Variants in CDC20B observed in about 807,000 individuals in gnomAD.
CDC20B encodes cell division cycle protein 20 homolog B.
In CDC20B, 58 loss-of-function variants were observed where a neutral mutation model predicts 64.1. That is an observed-to-expected ratio of 0.90 (90% CI 0.73 to 1.13). The LOEUF is 1.13. Among genes scored for constraint, CDC20B ranks in the 50% most tolerant of loss-of-function variants. The probability of loss-of-function intolerance (pLI) is 0.00; values close to 1 mark genes in which losing one functional copy is unlikely to be tolerated. For synonymous variants in CDC20B, 243 were observed against 230.6 expected (o/e 1.05, Z -0.49); for missense variants, 597 against 633.0 (o/e 0.94, Z 0.61).
intron 2 of CDC20B, among the ~76,000 whole-genome samples, chr5:55,149,300 A>C (rs1743591836): frequency 6.6e-6 from 1 of 152,208 alleles, no homozygotes; most frequent in South Asian, 2.1e-4. Context: ...TCATTGTGGA[A>C]GATTAGTTTG....
At chr5:55,129,380 T>G (rs1408667115) in intron 6 of CDC20B, among the ~76,000 whole-genome samples, 1 of 152,180 alleles carries the variant, frequency 6.6e-6, no homozygotes, top group Non-Finnish European at 1.5e-5. Context: ...AGAAGCAAAC[T>G]GGCGGGGGGT....
intron 2 of CDC20B, among the ~76,000 whole-genome samples, chr5:55,155,466 A>G (rs960419038): frequency 3.9e-5 from 6 of 151,944 alleles, no homozygotes; most frequent in Non-Finnish European, 8.8e-5. Flanking sequence ...GCATACCCCA[A>G]CCCCGTTCCT....
intron 2 of CDC20B, chr5:55,165,597 C>T (rs542280126): frequency 6.6e-6 from 1 of 152,290 alleles, no homozygotes; most frequent in Admixed American, 6.5e-5. Flanking sequence ...AAAAATATTT[C>T]ATGAAGCATC....
intron 2 of CDC20B, among the ~76,000 whole-genome samples, chr5:55,170,957 A>C (rs879657116): frequency 9.2e-5 from 14 of 152,256 alleles, no homozygotes; most frequent in Non-Finnish European, 7.3e-5. Flanking sequence ...ACTTACATTT[A>C]GGTTTTCCAA....
Position 55,114,440 on chromosome 5 carries a change from C to G in CDC20B, c.1460-122G>C. 1 of 1,463,698 alleles carries G rather than the reference C, an allele frequency of 6.8e-7. No homozygotes were observed. Among genetic ancestry groups the G allele is most frequent in the Non-Finnish European group, 9.1e-7 (1 of 1,104,892 alleles). The allele number at this position is 1,463,698 out of a possible 1,614,324, so 90.7% of individuals were successfully genotyped here. The stretch of plus-strand genomic sequence containing the variant: ...CCAGGATAAAGGGCTTTCCCACACC[C>G]ACCAGGTTCAGAGCTGCCACCAACT... On this transcript the variant is annotated intron_variant, in intron 11 of 11. Coordinates refer to ENST00000381375, the MANE Select transcript of CDC20B (RefSeq NM_001170402.1). This position sits in a 1 kb window ranked among gnomAD's most constrained non-coding sequence, Gnocchi z 4.1.
At chr5:55,126,466 C>CAAAAAAAAAAAAAAACAAAAAAAAA (rs1742894089) in intron 8 of CDC20B, 1 of 95,330 alleles carries the variant, frequency 1.0e-5, no homozygotes, top group Non-Finnish European at 1.9e-5. Context: ...GATTCCATGT[C>CAAAAAAAAAAAAAAACAAAAAAAAA]AAAAAAAAAA....
intron 6 of CDC20B, among the ~76,000 whole-genome samples, chr5:55,131,668 T>C (rs1196940905): frequency 6.6e-6 from 1 of 152,190 alleles, no homozygotes; most frequent in East Asian, 1.9e-4. Context: ...ATGATGAGAC[T>C]TAAAACTTGA....
intron 2 of CDC20B, among the ~76,000 whole-genome samples, chr5:55,152,496 T>C (rs1743694513): frequency 6.6e-6 from 1 of 152,178 alleles, no homozygotes; most frequent in Non-Finnish European, 1.5e-5. Context: ...GAATACAGAG[T>C]TGGAAGACAA....
At chr5:55,141,167 C>T (rs1743318829) in intron 4 of CDC20B, among the ~76,000 whole-genome samples, 1 of 152,204 alleles carries the variant, frequency 6.6e-6, no homozygotes, top group Admixed American at 6.5e-5. Flanking sequence ...TCAGCAGCAG[C>T]TCTCATCAAC....
In CDC20B at chr5:55,120,478, T is replaced by C. The variant is rs767726535; in HGVS notation, c.1288A>G (p.Ile430Val). 4 of 1,613,736 alleles carry C rather than the reference T, an allele frequency of 2.5e-6. No homozygotes were observed. The African/African-American group carries it at 5.3e-5, about 22-fold the overall frequency. The change falls in exon 10 of 12, where the codon ATC becomes GTC. Residue 430 changes from isoleucine to valine, a missense_variant. Physicochemically the swap from Ile to Val is conservative, Grantham distance 29 (BLOSUM62 3). This residue lies in a region of CDC20B where 353 missense variants were observed against 397.0 expected (regional missense o/e 0.89). Transcript: ENST00000381375. The stretch of plus-strand genomic sequence containing the variant: ...CTCTTCCCAGCATTTATATCCAAGA[T>C]GTGTAAGCGTCCATCCTTCATTCCT... ...GGGMKDGRLH[I>V]LDINAGKSIQ...
chr5:55,146,915 T>C (rs1743498621), intron 2 of CDC20B, 59 bp from the exon 3 acceptor site: 5 of 1,232,836 alleles, frequency 4.1e-6, no homozygotes, highest in Non-Finnish European at 5.9e-6. Context: ...AAAGTAAAAA[T>C]TCCCTATAAG....
rs1742717413 is a variant in CDC20B, at chr5:55,119,935, A to G, written c.1342-17T>C. 1.3e-6 allele frequency: 2 copies of G among 1,556,782 alleles called. No individual in the cohort carries two copies. The highest frequency in any genetic ancestry group is 1.1e-5 in the South Asian group (1 of 89,860). ...GGAACAAATCTGTAATAATGATCAA[A>G]AATAGAGAATTCTTGCAATTTCTGA... On this transcript the variant is annotated splice_polypyrimidine_tract_variant and intron_variant, in intron 10 of 11. Transcript: ENST00000381375.
At chr5:55,170,569 T>G (rs757004905) in intron 2 of CDC20B, 1 of 534,722 alleles carries the variant, frequency 1.9e-6, no homozygotes, top group African/African-American at 1.9e-5. Context: ...TGTTAGCCGA[T>G]GCCATTCACA....
intron 3 of CDC20B, among the ~76,000 whole-genome samples, chr5:55,143,923 G>A (rs1454109854): frequency 2.0e-5 from 3 of 151,822 alleles, no homozygotes; most frequent in Admixed American, 1.3e-4. Context: ...CTAGAGCAGG[G>A]AAGAGGTGCC....
At chr5:55,165,554 A>G (rs1196922751) in intron 2 of CDC20B, 1 of 152,256 alleles carries the variant, frequency 6.6e-6, no homozygotes, top group Non-Finnish European at 1.5e-5. Context: ...ATAGTTCTGT[A>G]TACGTATTTG....
chr5:55,117,829 C>T (rs545490497), intron 11 of CDC20B, among the ~76,000 whole-genome samples: 19 of 152,228 alleles, frequency 1.2e-4, no homozygotes, highest in African/African-American at 3.4e-4. Context: ...AGAAAGAAAA[C>T]AGTGGCCAGG....
chr5:55,168,962 CT>C (rs1580381405), intron 2 of CDC20B, among the ~76,000 whole-genome samples: 1 of 152,122 alleles, frequency 6.6e-6, no homozygotes, highest in South Asian at 2.1e-4. Context: ...CATGTACCCC[CT>C]GGATCTAAAA....
chr5:55,129,447 GA>G (rs1742974469), intron 6 of CDC20B, among the ~76,000 whole-genome samples: 1 of 152,130 alleles, frequency 6.6e-6, no homozygotes, highest in Non-Finnish European at 1.5e-5. Flanking sequence ...CCCATTGATG[GA>G]GTGCCAGCGA....
At position 55,146,782 on chromosome 5, in the gene CDC20B, A is replaced by G; in HGVS notation, c.201T>C (p.Pro67=). The G allele has an allele frequency of 3.1e-6, 5 of 1,614,214 alleles. No individual in the cohort carries two copies. Among genetic ancestry groups the G allele is most frequent in the Non-Finnish European group, 4.2e-6 (5 of 1,180,036 alleles). ...NFAKRLSAEV[P]VASSPITTRW... is the part of the protein sequence containing the mutation. ...TTGTGGTAATGGGGCTACTCGCAAC[A>G]GGAACCTCTGCGGACAGCCTCTTCG... Residue 67 remains proline, a synonymous_variant, in exon 3 of 12, where the codon CCT becomes CCC. Transcript: ENST00000381375.
Sources: allele counts gnomAD v4.1 joint callset (sites outside exome capture counted in the v4.1 genomes callset), GRCh38; gene constraint gnomAD v4.1.1; regional missense constraint gnomAD v4.1.1; non-coding constraint Gnocchi (gnomAD v3.1); transcripts MANE v1.5; gene names NCBI Gene and HGNC (gene_info 2026-07-23, HGNC 2026-07-21).